Variants in GPAA1 observed in about 807,000 individuals in gnomAD.
GPAA1 encodes GPI-anchor transamidase component GPAA1.
GPAA1 carries 54 observed loss-of-function variants against 64.0 expected under a neutral mutation model. That is an observed-to-expected ratio of 0.84 (90% confidence interval 0.68 to 1.06). The LOEUF (loss-of-function observed/expected upper bound fraction) is 1.06. GPAA1 is among the 50% of genes least tolerant of loss of function. The pLI is 0.00. For synonymous variants in GPAA1, 393 were observed against 377.3 expected (o/e 1.04, Z -0.48); for missense variants, 780 against 822.3 (o/e 0.95, Z 0.63).
chr8:144,085,901 C>A lies in GPAA1; in HGVS notation c.1642C>A (p.Leu548Met), dbSNP rs781891059. ...HGPRTLYAAL[L>M]VLTSPAATLL... ...ACCCAGGACCCTCTATGCTGCCCTG[C>A]TGGTGCTGACCAGCCCGGCAGCCAC... is the stretch of plus-strand genomic sequence containing the variant. The change falls in exon 12 of 12, where the codon CTG becomes ATG. Residue 548 changes from leucine to methionine, a missense_variant. Transcript: ENST00000355091. 1.9e-6 allele frequency: 3 copies of A among 1,608,278 alleles called. No homozygotes were observed. The highest frequency in any genetic ancestry group is 4.5e-5 in the East Asian group (2 of 44,808).
In GPAA1 at chr8:144,083,735, T is replaced by TACGG; in HGVS notation, c.389_392dup (p.Ile132ArgfsTer23). 1 of 1,604,040 alleles carries TACGG rather than the reference T, an allele frequency of 6.2e-7. No homozygotes were observed. The highest frequency in any genetic ancestry group is 8.5e-7 in the Non-Finnish European group (1 of 1,179,776). ...ACAGATGGTGTCGGGCACCAACGTG[T>TACGG]ACGGCATCCTGCGGGCCCCGCGTGC... On this transcript the variant is annotated frameshift_variant, in exon 4 of 12. Coordinates refer to ENST00000355091, the MANE Select transcript of GPAA1 (RefSeq NM_003801.4). LOFTEE classifies it high-confidence loss of function.
chr8:144,083,698 C>T lies in GPAA1; in HGVS notation c.367-16C>T. On this transcript the variant is annotated splice_polypyrimidine_tract_variant and intron_variant, in intron 3 of 11. Coordinates refer to ENST00000355091, the MANE Select transcript of GPAA1 (RefSeq NM_003801.4). Reference sequence around the variant, plus strand: ...CAAAGTTACACTGAGGCTCCCCCCACCGATGCTGCATACAGATGGTGTCGG... The same window carrying T: ...CAAAGTTACACTGAGGCTCCCCCCATCGATGCTGCATACAGATGGTGTCGG... 1 of 1,595,348 alleles carries T rather than the reference C, an allele frequency of 6.3e-7. No homozygotes were observed. The highest frequency in any genetic ancestry group is 8.5e-7 in the Non-Finnish European group (1 of 1,174,544).
At position 144,086,090 on chromosome 8, in the gene GPAA1, T is replaced by C. The variant is rs1374196881; in HGVS notation, c.1831T>C (p.Trp611Arg). 1 of 1,613,714 alleles carries C rather than the reference T, an allele frequency of 6.2e-7. No individual in the cohort carries two copies. Among genetic ancestry groups the C allele is most frequent in the Admixed American group, 1.7e-5 (1 of 60,024 alleles). ...GCTGTCCCTGGGCCTCTACCCCTGCTGGCTGCTTTTCTGGAATGTGCTCTT... is the reference window on the plus strand; with the variant it reads ...GCTGTCCCTGGGCCTCTACCCCTGCCGGCTGCTTTTCTGGAATGTGCTCTT... ...PLLSLGLYPC[W>R]LLFWNVLFWK is the part of the protein sequence containing the mutation. Residue 611 changes from tryptophan to arginine, a missense_variant, in exon 12 of 12, where the codon TGG (tryptophan) becomes CGG (arginine). Transcript: ENST00000355091.
rs887780450 is a variant in GPAA1 at position 144,082,664 on chromosome 8, G to C, written c.-67G>C. The C allele has an allele frequency of 5.2e-6, 6 of 1,154,710 alleles. No homozygotes were observed. The highest frequency in any genetic ancestry group is 3.6e-5 in the East Asian group (1 of 27,962). 71.5% of individuals were successfully genotyped at this position (1,154,710 alleles called of 1,614,324 possible). ...CGGGTCCCCGGGTCTGACAGGAGCA[G>C]CCTGTGGGCACCGCGGCGGTAGTTG... is the stretch of plus-strand genomic sequence containing the variant. On this transcript the variant is annotated 5_prime_UTR_variant, in exon 1 of 12. Transcript: ENST00000355091.
chr8:144,083,639 G>T, intron 3 of GPAA1, 75 bp from the exon 4 acceptor site: 2 of 1,488,884 alleles, frequency 1.3e-6, no homozygotes, highest in Non-Finnish European at 1.8e-6. Flanking sequence ...TGGAGGGCTA[G>T]GAAAGTTGTG....
chr8:144,084,425 G>A lies in GPAA1; in HGVS notation c.826G>A (p.Asp276Asn), dbSNP rs781940977. 5 of 1,612,004 alleles carry A rather than the reference G, an allele frequency of 3.1e-6. No individual in the cohort carries two copies. The highest frequency in any genetic ancestry group is 4.2e-6 in the Non-Finnish European group (5 of 1,179,326). ...CTLQGKLQPEDWTSLDGPLQG... is the reference protein window; with the variant it reads ...CTLQGKLQPENWTSLDGPLQG... Reference sequence around the variant, plus strand: ...TGCACCTCTAAAGCTGCAGCCCGAGGACTGGACATCATTGGATGGACCGCT... The same window carrying A: ...TGCACCTCTAAAGCTGCAGCCCGAGAACTGGACATCATTGGATGGACCGCT... Residue 276 changes from aspartate (D) to asparagine (N), a missense_variant, in exon 7 of 12, where the codon GAC (aspartate) becomes AAC (asparagine). Transcript: ENST00000355091.
rs782015301 is a variant in GPAA1 at position 144,084,336 on chromosome 8, G to GCTGC, written c.813+18_813+21dup. 13 of 1,612,772 alleles carry GCTGC rather than the reference G, an allele frequency of 8.1e-6. No homozygotes were observed. The Admixed American group carries it at 1.5e-4, about 19-fold the overall frequency. ...TGTGCACGCTTCAGGGCAAGGTGGG[G>GCTGC]CTGCCTGCCTGCCTGAGGGCTGAAG... On this transcript the variant is annotated splice_region_variant and intron_variant, in intron 6 of 11. Transcript: ENST00000355091.
chr8:144,083,665 C>G (rs370227600), intron 3 of GPAA1, 49 bp from the exon 4 acceptor site: 323 of 1,562,932 alleles, frequency 2.1e-4, no homozygotes, highest in Non-Finnish European at 2.7e-4. Context: ...CCCTTCAGCC[C>G]CCTACCACAA....
At chr8:144,085,204 C>A in intron 9 of GPAA1, 66 bp downstream of exon 9, 1 of 1,474,298 alleles carries the variant, frequency 6.8e-7, no homozygotes, top group Non-Finnish European at 9.2e-7. Context: ...AGTGTTGCAA[C>A]TTAGCCTCAG....
chr8:144,083,738 G>C lies in GPAA1; in HGVS notation c.391G>C (p.Gly131Arg). 2 of 1,604,094 alleles carry C rather than the reference G, an allele frequency of 1.2e-6. No homozygotes were observed. Among genetic ancestry groups the C allele is most frequent in the Non-Finnish European group, 1.7e-6 (2 of 1,179,768 alleles). Reference sequence around the variant, plus strand: ...GATGGTGTCGGGCACCAACGTGTACGGCATCCTGCGGGCCCCGCGTGCTGC... The same window carrying C: ...GATGGTGTCGGGCACCAACGTGTACCGCATCCTGCGGGCCCCGCGTGCTGC... ...RYMVSGTNVYGILRAPRAAST... is the reference protein window; with the variant it reads ...RYMVSGTNVYRILRAPRAAST... The change falls in exon 4 of 12, where the codon GGC (glycine) becomes CGC (arginine). Residue 131 changes from glycine (G) to arginine (R), a missense_variant. Physicochemically the swap from Gly to Arg is moderately radical, Grantham distance 125. Transcript: ENST00000355091.
chr8:144,085,316 C>T lies in GPAA1; in HGVS notation c.1288C>T (p.Pro430Ser), dbSNP rs552282153. The change falls in exon 10 of 12, where the codon CCT becomes TCT. Residue 430 changes from proline (P) to serine (S), a missense_variant. Physicochemically the swap from Pro to Ser is moderately conservative, Grantham distance 74. Transcript: ENST00000355091. ...QGVGLASLVA[P>S]LLISQAMGLA... ...TGTGGGGCTGGCCTCGCTCGTGGCA[C>T]CTCTGCTGATCTCACAGGCCATGGG... 2.2e-5 allele frequency: 35 copies of T among 1,608,682 alleles called. No individual in the cohort carries two copies. In the East Asian group the frequency reaches 7.4e-4, roughly 34 times the overall value.
Position 144,084,809 on chromosome 8 carries a change from C to T in GPAA1, c.1098C>T (p.Ser366=). The T allele has an allele frequency of 6.2e-7, 1 of 1,613,766 alleles. No homozygotes were observed. Among genetic ancestry groups the T allele is most frequent in the Admixed American group, 1.7e-5 (1 of 60,032 alleles). ...SFFLYLLPGL[S]RFVSIGLYMP... is the part of the protein sequence containing the mutation. Reference sequence around the variant, plus strand: ...TCCTCTACTTGCTCCCCGGCCTCTCCCGCTTCGTCTCCATCGGCCTCTACA... The same window carrying T: ...TCCTCTACTTGCTCCCCGGCCTCTCTCGCTTCGTCTCCATCGGCCTCTACA... Residue 366 remains serine (S), a synonymous_variant, in exon 8 of 12, where the codon TCC becomes TCT. Coordinates refer to ENST00000355091, the MANE Select transcript of GPAA1 (RefSeq NM_003801.4).
In GPAA1 at chr8:144,086,113, C is replaced by G. The variant is rs2129949952; in HGVS notation, c.1854C>G (p.Leu618=). 1 of 1,612,712 alleles carries G rather than the reference C, an allele frequency of 6.2e-7. No individual in the cohort carries two copies. The highest frequency in any genetic ancestry group is 8.5e-7 in the Non-Finnish European group (1 of 1,179,474). Residue 618 remains leucine (L), a synonymous_variant, in exon 12 of 12, where the codon CTC becomes CTG. Coordinates refer to ENST00000355091, the MANE Select transcript of GPAA1 (RefSeq NM_003801.4). ...YPCWLLFWNV[L]FWK ...GCTGGCTGCTTTTCTGGAATGTGCT[C>G]TTCTGGAAGTGAGATCTGCCTGTCC...
chr8:144,085,868 G>A lies in GPAA1; in HGVS notation c.1623-14G>A, dbSNP rs1367771937. 3.7e-6 allele frequency: 6 copies of A among 1,601,850 alleles called. No homozygotes were observed. In the East Asian group the frequency reaches 1.3e-4, roughly 36 times the overall value. ...CCACCATGGAGCCTACCTTGATGTT[G>A]CTTCTCCACCCAGGACCCTCTATGC... On this transcript the variant is annotated splice_polypyrimidine_tract_variant and intron_variant, in intron 11 of 11. Coordinates refer to ENST00000355091, the MANE Select transcript of GPAA1 (RefSeq NM_003801.4).
Position 144,082,648 on chromosome 8 carries a change from G to T in GPAA1, c.-83G>T. ...GAAGTGCGGGCGAGCGCGGGTCCCC[G>T]GGTCTGACAGGAGCAGCCTGTGGGC... On this transcript the variant is annotated 5_prime_UTR_variant, in exon 1 of 12. Coordinates refer to ENST00000355091, the MANE Select transcript of GPAA1 (RefSeq NM_003801.4). 4.3e-6 allele frequency: 2 copies of T among 465,678 alleles called. No individual in the cohort carries two copies. The highest frequency in any genetic ancestry group is 6.5e-6 in the Non-Finnish European group (2 of 309,572). 28.8% of individuals were successfully genotyped at this position (465,678 alleles called of 1,614,324 possible). A position where few individuals can be genotyped will look rare whatever the true frequency, so the allele number is the denominator to read the frequency against.
At position 144,085,495 on chromosome 8, in the gene GPAA1, G is replaced by T. The variant is rs1554764237; in HGVS notation, c.1451+16G>T. ...ATACCCACCGGTAAGAGGCTGGGCT[G>T]GTTGTTGGGGGCAGGGGTAGAGGTC... On this transcript the variant is annotated intron_variant, in intron 10 of 11. Transcript: ENST00000355091. The T allele has an allele frequency of 2.5e-6, 4 of 1,603,862 alleles. 1 individual carries two copies. In the South Asian group the frequency reaches 4.4e-5, roughly 18 times the overall value.
Position 144,083,104 on chromosome 8 carries a change from C to T in GPAA1, c.75-20C>T, listed in dbSNP as rs782619072. Reference sequence around the variant, plus strand: ...TGAGGACCCGCTGACGCTCCGGTGCCCCTCCGTCCTCTCTCACAGCGTGCT... The same window carrying T: ...TGAGGACCCGCTGACGCTCCGGTGCTCCTCCGTCCTCTCTCACAGCGTGCT... On this transcript the variant is annotated intron_variant, in intron 1 of 11. Transcript: ENST00000355091. 7.5e-6 allele frequency: 12 copies of T among 1,602,546 alleles called. No individual in the cohort carries two copies. The African/African-American group carries it at 8.0e-5, about 11-fold the overall frequency.
In GPAA1 at chr8:144,086,162, G is replaced by GGACCCCATTCT. The variant is rs1564306013; in HGVS notation, c.*39_*49dup. The GGACCCCATTCT allele has an allele frequency of 6.3e-7, 1 of 1,594,062 alleles. No homozygotes were observed. The highest frequency in any genetic ancestry group is 8.6e-7 in the Non-Finnish European group (1 of 1,167,498). ...CCGGGCTGGGACAGAGACTCCCCAA[G>GGACCCCATTCT]GACCCCATTCTGCCTCCTTCTGGGG... On this transcript the variant is annotated 3_prime_UTR_variant, in exon 12 of 12. Coordinates refer to ENST00000355091, the MANE Select transcript of GPAA1 (RefSeq NM_003801.4).
chr8:144,085,319 C>G lies in GPAA1; in HGVS notation c.1291C>G (p.Leu431Val). The G allele has an allele frequency of 6.2e-7, 1 of 1,609,396 alleles. No individual in the cohort carries two copies. The highest frequency in any genetic ancestry group is 8.5e-7 in the Non-Finnish European group (1 of 1,178,686). ...GGGGCTGGCCTCGCTCGTGGCACCT[C>G]TGCTGATCTCACAGGCCATGGGACT... Reference protein sequence around the residue: ...GVGLASLVAPLLISQAMGLAL... With the variant: ...GVGLASLVAPVLISQAMGLAL... The change falls in exon 10 of 12, where the codon CTG (leucine) becomes GTG (valine). Residue 431 changes from leucine to valine, a missense_variant. Physicochemically the swap from Leu to Val is conservative, Grantham distance 32. Transcript: ENST00000355091.
Sources: gnomAD v4.1 joint callset for allele counts on GRCh38, gnomAD v4.1.1 for gene constraint, MANE v1.5 for transcripts, NCBI Gene and HGNC (gene_info 2026-07-23, HGNC 2026-07-21) for gene names.